STXBP5: variants seen among roughly 807,000 people sequenced by gnomAD.
The protein encoded by STXBP5 is syntaxin-binding protein 5.
STXBP5 carries 50 observed loss-of-function variants against 152.4 expected under a neutral mutation model. The ratio of observed to expected loss-of-function variants is 0.33; its 90% confidence interval spans 0.26 to 0.42. The LOEUF is 0.42. Ranked by LOEUF, STXBP5 falls within the 10% of genes least tolerant of loss-of-function variation. STXBP5 has a pLI of 1.00. For synonymous variants in STXBP5, 492 were observed against 494.7 expected (o/e 0.99, Z 0.07); for missense variants, 1,167 against 1,388.6 (o/e 0.84, Z 2.54).
intron 7 of STXBP5, among the ~76,000 whole-genome samples, chr6:147,276,505 A>G (rs943169504): frequency 6.6e-6 from 1 of 152,136 alleles, no homozygotes; most frequent in Non-Finnish European, 1.5e-5. Context: ...TACATATGAT[A>G]CATATTTATA....
intron 8 of STXBP5, among the ~76,000 whole-genome samples, chr6:147,285,464 T>C (rs1404969076): frequency 2.0e-5 from 3 of 151,966 alleles, no homozygotes; most frequent in Admixed American, 6.6e-5. Context: ...TGGAAAGATA[T>C]CAGAATATGC....
chr6:147,282,739 C>T (rs1392197447), intron 8 of STXBP5, among the ~76,000 whole-genome samples: 1 of 152,114 alleles, frequency 6.6e-6, no homozygotes, highest in Non-Finnish European at 1.5e-5. Flanking sequence ...TACCCTGAAG[C>T]ACTCATCTTG....
chr6:147,333,878 C>T (rs141361296), intron 18 of STXBP5, among the ~76,000 whole-genome samples: 11 of 152,210 alleles, frequency 7.2e-5, no homozygotes, highest in Admixed American at 3.9e-4. Context: ...GTTTTTATAA[C>T]GTCAATCACC....
chr6:147,341,849 T>C (rs1402283081), intron 21 of STXBP5, among the ~76,000 whole-genome samples: 1 of 152,194 alleles, frequency 6.6e-6, no homozygotes, highest in Non-Finnish European at 1.5e-5. Flanking sequence ...CTTTATCTTA[T>C]AATTTTTCTG....
intron 3 of STXBP5, among the ~76,000 whole-genome samples, chr6:147,236,467 T>C (rs1582822879): frequency 6.6e-6 from 1 of 152,190 alleles, no homozygotes; most frequent in Non-Finnish European, 1.5e-5. Context: ...TTCTTTTAGC[T>C]TCTCCCAATA....
At chr6:147,257,742 A>G (rs771712945) in intron 4 of STXBP5, among the ~76,000 whole-genome samples, 4 of 152,190 alleles carry the variant, frequency 2.6e-5, no homozygotes, top group African/African-American at 7.2e-5. Context: ...ATGTTTTTAT[A>G]GCTTTATTTT....
intron 27 of STXBP5, among the ~76,000 whole-genome samples, chr6:147,383,666 A>T (rs566636100): frequency 6.6e-6 from 1 of 152,046 alleles, no homozygotes. Flanking sequence ...AGGTTACTTC[A>T]CACATCTAGT....
At chr6:147,353,400 T>A in intron 22 of STXBP5, 27 bp downstream of exon 22, 2 of 1,469,022 alleles carry the variant, frequency 1.4e-6, no homozygotes, top group Non-Finnish European at 1.9e-6. Context: ...TTCAAAATAA[T>A]TTAACTCCCT....
intron 9 of STXBP5, among the ~76,000 whole-genome samples, chr6:147,306,662 T>C (rs545680606): frequency 1.8e-4 from 28 of 152,280 alleles, no homozygotes; most frequent in African/African-American, 6.7e-4. Flanking sequence ...GCCTGTTAGT[T>C]CCTCAGGTAC....
intron 12 of STXBP5, 108 bp from the exon 13 acceptor site, chr6:147,314,156 C>T: frequency 7.2e-7 from 1 of 1,385,904 alleles, no homozygotes; most frequent in Non-Finnish European, 1.0e-6. Flanking sequence ...TTTTTGCAAG[C>T]AAAATATGTT....
chr6:147,224,732 G>A (rs1415900490), intron 2 of STXBP5, among the ~76,000 whole-genome samples: 1 of 152,056 alleles, frequency 6.6e-6, no homozygotes, highest in African/African-American at 2.4e-5. Context: ...TGTGGATGAA[G>A]AAATCAAAGG....
intron 18 of STXBP5, 144 bp downstream of exon 18, chr6:147,327,420 G>T: frequency 9.9e-7 from 1 of 1,013,572 alleles, no homozygotes; most frequent in East Asian, 2.8e-5. Context: ...AGCAAAAGTT[G>T]TGAGTCTTAT....
intron 1 of STXBP5, among the ~76,000 whole-genome samples, 167 bp from the exon 2 acceptor site, chr6:147,205,804 T>C (rs1776521433): frequency 6.6e-6 from 1 of 152,252 alleles, no homozygotes; most frequent in African/African-American, 2.4e-5. Context: ...TCTATGTGAA[T>C]AACTTTGTTA....
chr6:147,336,303 G>C (rs946230550), intron 19 of STXBP5, among the ~76,000 whole-genome samples: 1 of 152,066 alleles, frequency 6.6e-6, no homozygotes, highest in South Asian at 2.1e-4. Context: ...TTTATAGCTT[G>C]TGTGTGTCTT....
At chr6:147,218,149 C>G (rs1217599643) in intron 2 of STXBP5, among the ~76,000 whole-genome samples, 1 of 152,172 alleles carries the variant, frequency 6.6e-6, no homozygotes, top group African/African-American at 2.4e-5. Flanking sequence ...GTAGCCTCCT[C>G]CATTATCAGC....
intron 9 of STXBP5, among the ~76,000 whole-genome samples, chr6:147,302,440 A>G (rs989160045): frequency 6.6e-6 from 1 of 152,104 alleles, no homozygotes; most frequent in Non-Finnish European, 1.5e-5. Flanking sequence ...AGGCCAGGAG[A>G]TATATTGTAG....
intron 21 of STXBP5, among the ~76,000 whole-genome samples, chr6:147,351,027 G>A (rs892802443): frequency 2.0e-5 from 3 of 152,146 alleles, no homozygotes; most frequent in African/African-American, 7.2e-5. Context: ...ATTGAGGCTT[G>A]TTCACAAAAT....
At chr6:147,251,395 GT>G (rs1304501562) in intron 4 of STXBP5, among the ~76,000 whole-genome samples, 1 of 152,166 alleles carries the variant, frequency 6.6e-6, no homozygotes, top group African/African-American at 2.4e-5. Flanking sequence ...AGCTACAGGA[GT>G]TTTTTTTCAT....
intron 6 of STXBP5, among the ~76,000 whole-genome samples, chr6:147,264,657 A>C (rs891485236): frequency 6.6e-6 from 1 of 152,148 alleles, no homozygotes; most frequent in African/African-American, 2.4e-5. Flanking sequence ...TTAGACGGGA[A>C]TTAGTCATTA....
Sources: gnomAD v4.1 joint callset for allele counts (sites outside exome capture counted in the v4.1 genomes callset) on GRCh38, gnomAD v4.1.1 for gene constraint, MANE v1.5 for transcripts, NCBI Gene and HGNC (gene_info 2026-07-23, HGNC 2026-07-21) for gene names.